LY86: variants seen among roughly 807,000 people sequenced by gnomAD.
LY86 encodes the protein MD-1, RP105-associated.
LY86 carries 20 observed loss-of-function variants against 17.3 expected under a neutral mutation model. The ratio of observed to expected loss-of-function variants is 1.15; its 90% CI spans 0.81 to 1.68. The LOEUF (loss-of-function observed/expected upper bound fraction) is 1.68, where lower values mean the gene tolerates loss of function less well. LY86 is among the 40% of genes most tolerant of loss of function. The pLI is 0.00. For missense variants in LY86, 200 were observed against 191.9 expected (o/e 1.04, Z -0.25); for synonymous variants, 74 against 70.6 (o/e 1.05, Z -0.24).
intron 1 of LY86, among the ~76,000 whole-genome samples, chr6:6,603,596 ACAG>A (rs796514917): frequency 4.3e-5 from 4 of 92,610 alleles, no homozygotes; most frequent in Non-Finnish European, 7.4e-5. Context: ...AAAAACAAAA[ACAG>A]AAACAGAAAA....
chr6:6,642,021 C>T (rs1310243536), intron 3 of LY86, among the ~76,000 whole-genome samples: 1 of 152,246 alleles, frequency 6.6e-6, no homozygotes, highest in African/African-American at 2.4e-5. Context: ...AGTTGCCCTT[C>T]ACGGGCTTCT....
intron 1 of LY86, among the ~76,000 whole-genome samples, 168 bp from the exon 2 acceptor site, chr6:6,624,758 C>T (rs1761753006): frequency 6.6e-6 from 1 of 151,918 alleles, no homozygotes; most frequent in African/African-American, 2.4e-5. Context: ...TTTGAAGACA[C>T]GGGGGGGAGC....
intron 1 of LY86, among the ~76,000 whole-genome samples, chr6:6,609,256 G>A (rs1001903948): frequency 3.3e-5 from 5 of 152,318 alleles, no homozygotes; most frequent in Admixed American, 3.3e-4. Context: ...TTGCAGAGTT[G>A]GAGCATCCAG....
intron 1 of LY86, among the ~76,000 whole-genome samples, chr6:6,608,120 C>T (rs960963408): frequency 3.9e-5 from 6 of 152,154 alleles, no homozygotes; most frequent in African/African-American, 1.4e-4. Flanking sequence ...GACAAATTTG[C>T]CCGTCACTGC....
rs142136902 is a variant in LY86, at chr6:6,652,975, C to T, written c.406-1569C>T. On this transcript the variant is annotated intron_variant, in intron 4 of 4. Transcript: ENST00000230568. ...GAAAAGTACATGAGGAGGAAGAGAA[C>T]GATGAAACACAACGAGATATAAATT... 4.6e-3 allele frequency among the ~76,000 whole-genome samples: 701 copies of T among 152,232 alleles called. 6 individuals carry two copies. The highest frequency in any genetic ancestry group is 0.016 in the African/African-American group (668 of 41,542).
chr6:6,615,719 C>CA (rs373207405), intron 1 of LY86, among the ~76,000 whole-genome samples: 31,715 of 91,476 alleles, frequency 0.35, 5,225 homozygotes, highest in Middle Eastern at 0.5. Flanking sequence ...GATGTTGTCT[C>CA]AAAAAAAAAA....
At chr6:6,601,328 T>C (rs534525793) in intron 1 of LY86, among the ~76,000 whole-genome samples, 1 of 152,164 alleles carries the variant, frequency 6.6e-6, no homozygotes, top group Admixed American at 6.5e-5. Flanking sequence ...ATCTCAACCA[T>C]GCCAGAAGAT....
intron 3 of LY86, among the ~76,000 whole-genome samples, chr6:6,641,398 C>G (rs188686328): frequency 3.3e-5 from 5 of 152,242 alleles, no homozygotes; most frequent in African/African-American, 7.2e-5. Context: ...CCGTGCCCCC[C>G]TCCTGCTTCC....
chr6:6,642,369 C>CA (rs1439367746), intron 3 of LY86, among the ~76,000 whole-genome samples: 1 of 152,244 alleles, frequency 6.6e-6, no homozygotes, highest in East Asian at 1.9e-4. Context: ...ACAAAGGACT[C>CA]AGAGGCTCAG....
At chr6:6,615,779 C>A (rs1761539342) in intron 1 of LY86, among the ~76,000 whole-genome samples, 2 of 149,352 alleles carry the variant, frequency 1.3e-5, no homozygotes, top group Admixed American at 6.7e-5. Context: ...GTAGTCCTAG[C>A]AGTTTGGGAG....
intron 1 of LY86, among the ~76,000 whole-genome samples, chr6:6,589,718 C>T (rs1270189853): frequency 6.6e-6 from 1 of 152,126 alleles, no homozygotes; most frequent in Non-Finnish European, 1.5e-5. Flanking sequence ...CTCATGTGCT[C>T]TTCCCTCTGT....
chr6:6,605,551 T>C (rs1321269372), intron 1 of LY86, among the ~76,000 whole-genome samples: 2 of 152,286 alleles, frequency 1.3e-5, no homozygotes. Context: ...CATGGCAACG[T>C]GCTTCCCACG....
chr6:6,640,518 G>T (rs1762024737), intron 3 of LY86, among the ~76,000 whole-genome samples: 1 of 152,020 alleles, frequency 6.6e-6, no homozygotes, highest in African/African-American at 2.4e-5. Context: ...CTGGGAGTTT[G>T]AGACCAGACT....
At chr6:6,611,814 CCGA>C (rs1209578707) in intron 1 of LY86, among the ~76,000 whole-genome samples, 9 of 152,214 alleles carry the variant, frequency 5.9e-5, no homozygotes, top group Admixed American at 5.2e-4. Context: ...AACAATCGGA[CCGA>C]TAAAATAGCA....
intron 3 of LY86, among the ~76,000 whole-genome samples, chr6:6,637,431 A>G (rs1308685906): frequency 1.3e-5 from 2 of 152,108 alleles, no homozygotes; most frequent in Non-Finnish European, 2.9e-5. Context: ...TCAATTCTTT[A>G]TGTTCCTTGA....
chr6:6,644,964 A>G (rs1418365607), intron 3 of LY86, among the ~76,000 whole-genome samples: 5 of 152,190 alleles, frequency 3.3e-5, no homozygotes, highest in Non-Finnish European at 5.9e-5. Flanking sequence ...TGAGCCCCCA[A>G]AAAAGCTCCA....
intron 1 of LY86, among the ~76,000 whole-genome samples, chr6:6,611,704 C>T (rs1026380224): frequency 3.3e-5 from 5 of 152,198 alleles, no homozygotes; most frequent in South Asian, 2.1e-4. Flanking sequence ...GTTTGTCCCC[C>T]CTTTCTCCTG....
At chr6:6,611,683 G>A (rs185784892) in intron 1 of LY86, among the ~76,000 whole-genome samples, 26 of 152,316 alleles carry the variant, frequency 1.7e-4, no homozygotes, top group Admixed American at 1.3e-3. Context: ...GCTACGCTGC[G>A]CGCCGGTCGT....
At chr6:6,595,882 A>G (rs1332717644) in intron 1 of LY86, among the ~76,000 whole-genome samples, 16 of 152,190 alleles carry the variant, frequency 1.1e-4, no homozygotes. Flanking sequence ...CCTATTCAGC[A>G]GTGTGTGGAG....
Sources: gnomAD v4.1 joint callset for allele counts (sites outside exome capture counted in the v4.1 genomes callset) on GRCh38, gnomAD v4.1.1 for gene constraint, MANE v1.5 for transcripts, NCBI Gene and HGNC (gene_info 2026-07-23, HGNC 2026-07-21) for gene names.